The following PADI1 variants were observed in gnomAD, a reference collection of about 807,000 sequenced individuals.
PADI1 encodes the protein protein-arginine deiminase type-1.
PADI1 carries 65 observed loss-of-function variants against 74.8 expected under a neutral mutation model. The observed-to-expected ratio is 0.87, with a 90% CI of 0.71 to 1.07. The LOEUF is 1.07. Ranked by LOEUF, PADI1 falls within the 50% of genes least tolerant of loss-of-function variation. The pLI is 0.00. For missense variants in PADI1, 943 were observed against 854.0 expected (o/e 1.10, Z -1.30); for synonymous variants, 371 against 336.2 (o/e 1.10, Z -1.13).
chr1:17,214,761 C>T (rs2100414888), intron 1 of PADI1, among the ~76,000 whole-genome samples: 1 of 152,306 alleles, frequency 6.6e-6, no homozygotes, highest in East Asian at 1.9e-4. Context: ...AGCCCTTCAT[C>T]CATGACCAGG....
chr1:17,207,710 G>A (rs973186970), intron 1 of PADI1, among the ~76,000 whole-genome samples: 4 of 152,234 alleles, frequency 2.6e-5, no homozygotes, highest in Non-Finnish European at 5.9e-5. Context: ...AAGTTGCCTG[G>A]GCTATTCATA....
At chr1:17,230,476 C>A (rs985472336) in intron 9 of PADI1, 96 bp from the exon 10 acceptor site, 3 of 856,256 alleles carry the variant, frequency 3.5e-6, no homozygotes, top group Non-Finnish European at 3.6e-6. Flanking sequence ...AGGGAAGACC[C>A]GCTGCCCTGC....
intron 1 of PADI1, among the ~76,000 whole-genome samples, chr1:17,219,574 C>T (rs1169886660): frequency 6.6e-6 from 1 of 152,048 alleles, no homozygotes; most frequent in African/African-American, 2.4e-5. Context: ...GTGCAGCACA[C>T]CATCTACATC....
chr1:17,214,068 T>C (rs576091382), intron 1 of PADI1, among the ~76,000 whole-genome samples: 1 of 152,298 alleles, frequency 6.6e-6, no homozygotes, highest in East Asian at 1.9e-4. Flanking sequence ...ACATAAGGTT[T>C]CTGGCTGGAG....
chr1:17,233,109 C>A, intron 11 of PADI1, 139 bp downstream of exon 11: 1 of 780,338 alleles, frequency 1.3e-6, no homozygotes, highest in Non-Finnish European at 1.9e-6. Flanking sequence ...GAATCAAAGA[C>A]TCGGCAACCT....
At chr1:17,213,298 C>T (rs2071882869) in intron 1 of PADI1, among the ~76,000 whole-genome samples, 1 of 149,196 alleles carries the variant, frequency 6.7e-6, no homozygotes. Flanking sequence ...GCAAGTAACT[C>T]ACAATCTTCC....
intron 13 of PADI1, 45 bp from the exon 14 acceptor site, chr1:17,239,659 C>T: frequency 6.9e-7 from 1 of 1,449,026 alleles, no homozygotes; most frequent in Non-Finnish European, 9.7e-7. Context: ...AGACGGCCTC[C>T]AGGCAGTGCT....
rs368692383 is a variant in PADI1, at chr1:17,228,602, C to A, written c.653-23C>A. ...CCCCTCACCCCTGTCTCCTCGCTAG[C>A]CCCTGACTCTTGTTCTTCCTAGGTG... is the stretch of plus-strand genomic sequence containing the variant. On this transcript the variant is annotated intron_variant, in intron 6 of 15. Transcript: ENST00000375471. The A allele has an allele frequency of 4.3e-6, 7 of 1,613,522 alleles. No individual in the cohort carries two copies. The African/African-American group carries it at 6.7e-5, about 15-fold the overall frequency.
At chr1:17,230,775 A>AGAACAGGAAGAGGGGGCAGAAGG in intron 10 of PADI1, 96 bp downstream of exon 10, 1 of 703,408 alleles carries the variant, frequency 1.4e-6, no homozygotes, top group Non-Finnish European at 2.5e-6. Context: ...TAGGGCTCAG[A>AGAACAGGAAGAGGGGGCAGAAGG]GAACAGGAAG....
At chr1:17,224,317 G>A (rs1325837662) in intron 3 of PADI1, 50 bp from the exon 4 acceptor site, 4 of 1,539,536 alleles carry the variant, frequency 2.6e-6, no homozygotes, top group Middle Eastern at 1.7e-4. Flanking sequence ...TTAGGGGTGT[G>A]AAGATGGGGC....
chr1:17,233,168 G>A (rs1239353155), intron 11 of PADI1, among the ~76,000 whole-genome samples, 198 bp downstream of exon 11: 5 of 152,190 alleles, frequency 3.3e-5, no homozygotes, highest in African/African-American at 9.7e-5. Context: ...AAAGTCACAC[G>A]CTTGTGGCCT....
In PADI1 at chr1:17,240,640, C is replaced by T. The variant is rs753232717; in HGVS notation, c.1638C>T (p.Cys546=). 20 of 1,613,920 alleles carry T rather than the reference C, an allele frequency of 1.2e-5. No homozygotes were observed. Among genetic ancestry groups the T allele is most frequent in the Non-Finnish European group, 1.7e-5 (20 of 1,179,822 alleles). The stretch of plus-strand genomic sequence containing the variant: ...CCAGCTGCCTCCTTCCCCAGAAATG[C>T]ATTGACTGGAACCGTAATGTGCTGA... ...LQRDNLHAQK[C]IDWNRNVLKR... Residue 546 remains cysteine (C), a synonymous_variant, in exon 15 of 16, where the codon TGC becomes TGT. Coordinates refer to ENST00000375471, the MANE Select transcript of PADI1 (RefSeq NM_013358.3).
chr1:17,226,036 T>C lies in PADI1; in HGVS notation c.530T>C (p.Leu177Pro). The change falls in exon 6 of 16, where the codon CTG becomes CCG. Residue 177 changes from leucine (L) to proline (P), a missense_variant. Leu to Pro is a moderately conservative substitution (Grantham distance 98). Transcript: ENST00000375471. The part of the protein sequence containing the change: ...THSWLMSLAD[L>P]QDMSPMLLSC... ...TCAAGAGGGCCACTCTCTCCAGACCTGCAGGACATGTCCCCAATGCTGCTG... is the reference window on the plus strand; with the variant it reads ...TCAAGAGGGCCACTCTCTCCAGACCCGCAGGACATGTCCCCAATGCTGCTG... 3 of 1,614,200 alleles carry C rather than the reference T, an allele frequency of 1.9e-6. No homozygotes were observed. Among genetic ancestry groups the C allele is most frequent in the Non-Finnish European group, 2.5e-6 (3 of 1,180,024 alleles).
Position 17,229,031 on chromosome 1 carries a change from T to C in PADI1, c.909T>C (p.Pro303=). 1 of 1,572,364 alleles carries C rather than the reference T, an allele frequency of 6.4e-7. No individual in the cohort carries two copies. Among genetic ancestry groups the C allele is most frequent in the Non-Finnish European group, 8.6e-7 (1 of 1,157,180 alleles). The change falls in exon 8 of 16, where the codon CCT becomes CCC. Residue 303 remains proline (P), a synonymous_variant. Transcript: ENST00000375471. ...TCATGACGCCCAACACTCAGCCTCCTGAGGAGCTGTATGTGTGCAGGTGAG... is the reference window on the plus strand; with the variant it reads ...TCATGACGCCCAACACTCAGCCTCCCGAGGAGCTGTATGTGTGCAGGTGAG... ...PWIMTPNTQP[P]EELYVCRVMD...
intron 10 of PADI1, among the ~76,000 whole-genome samples, chr1:17,231,941 T>A (rs926967693): frequency 1.3e-4 from 10 of 75,512 alleles, no homozygotes; most frequent in Admixed American, 4.3e-4. Flanking sequence ...AAACACGTGT[T>A]TGTTTGTTTG....
Position 17,226,136 on chromosome 1 carries a change from AGTGAGGGTCTTCTGTGCCAGGG to A in PADI1, c.636_652+5del, listed in dbSNP as rs755072108. The A allele has an allele frequency of 4.3e-6, 7 of 1,614,142 alleles. No individual in the cohort carries two copies. Among genetic ancestry groups the A allele is most frequent in the Non-Finnish European group, 5.1e-6 (6 of 1,180,002 alleles). On this transcript the variant is annotated frameshift_variant and splice_region_variant, in exon 6 of 16. Coordinates refer to ENST00000375471, the MANE Select transcript of PADI1 (RefSeq NM_013358.3). LOFTEE classifies it high-confidence loss of function. ...ACGTGCCCTTTTCTGATTCCAAAAG[AGTGAGGGTCTTCTGTGCCAGGG>A]GTGAGTGGCCTGATGGGGCCTTTTC...
chr1:17,207,929 T>C (rs573853810), intron 1 of PADI1, among the ~76,000 whole-genome samples: 7 of 152,356 alleles, frequency 4.6e-5, no homozygotes, highest in Admixed American at 2.0e-4. Context: ...AGGTCTGCGA[T>C]GGGCAGGGAA....
intron 1 of PADI1, among the ~76,000 whole-genome samples, chr1:17,210,012 G>A (rs945211064): frequency 9.9e-5 from 15 of 151,790 alleles, no homozygotes; most frequent in Admixed American, 3.9e-4. Context: ...GCACCACCCC[G>A]TATTTTTAAT....
chr1:17,212,002 C>T (rs1204176292), intron 1 of PADI1, among the ~76,000 whole-genome samples: 2 of 152,334 alleles, frequency 1.3e-5, no homozygotes, highest in East Asian at 3.9e-4. Context: ...TGTACAGTAG[C>T]TACCCAGGAA....
Sources: gnomAD v4.1 joint callset for allele counts (sites outside exome capture counted in the v4.1 genomes callset) on GRCh38, gnomAD v4.1.1 for gene constraint, MANE v1.5 for transcripts, NCBI Gene and HGNC (gene_info 2026-07-23, HGNC 2026-07-21) for gene names.